Variants in DIS3L observed in about 807,000 individuals in gnomAD.
DIS3L encodes DIS3 like exosome 3'-5' exoribonuclease.
DIS3L carries 100 observed loss-of-function variants against 120.3 expected under a neutral mutation model. The observed-to-expected ratio is 0.83, with a 90% CI of 0.71 to 0.98. DIS3L has a LOEUF of 0.98. DIS3L is among the 50% of genes least tolerant of loss of function. The pLI, the probability that DIS3L is intolerant of heterozygous loss-of-function variation, is 0.00. For missense variants in DIS3L, 1,196 were observed against 1,314.2 expected, an observed-to-expected ratio of 0.91 and a Z score of 1.39; for synonymous variants, 426 against 470.6, an observed-to-expected ratio of 0.91 and a Z score of 1.23.
chr15:66,310,184 G>GT (rs2092746599), intron 4 of DIS3L, among the ~76,000 whole-genome samples: 2 of 152,122 alleles, frequency 1.3e-5, no homozygotes. Context: ...GGGTTCCCAG[G>GT]TGCATATATT....
chr15:66,301,811 A>AT (rs772036964), intron 2 of DIS3L, among the ~76,000 whole-genome samples: 1 of 151,984 alleles, frequency 6.6e-6, no homozygotes, highest in Non-Finnish European at 1.5e-5. Context: ...ACTCAGAGTG[A>AT]TTCGCTGTTT....
intron 8 of DIS3L, 45 bp from the exon 9 acceptor site, chr15:66,320,526 T>G: frequency 6.4e-7 from 1 of 1,571,150 alleles, no homozygotes; most frequent in Non-Finnish European, 8.6e-7. Flanking sequence ...TTGACCCACT[T>G]AACTCCTGGT....
intron 12 of DIS3L, 78 bp downstream of exon 12, chr15:66,326,442 T>G: frequency 6.9e-7 from 1 of 1,452,282 alleles, no homozygotes; most frequent in Non-Finnish European, 9.2e-7. Context: ...TCTTAAAATG[T>G]GACAGCCAGA....
chr15:66,328,246 T>C (rs768074469), intron 12 of DIS3L, among the ~76,000 whole-genome samples: 9 of 152,236 alleles, frequency 5.9e-5, no homozygotes, highest in Non-Finnish European at 8.8e-5. Flanking sequence ...CAAGCTCACA[T>C]AGTGACCACT....
At chr15:66,317,863 G>A (rs1045892917) in intron 7 of DIS3L, among the ~76,000 whole-genome samples, 13 of 147,806 alleles carry the variant, frequency 8.8e-5, no homozygotes, top group Admixed American at 4.0e-4. Context: ...AAAAAGAAAC[G>A]AACAAAAACA....
chr15:66,294,178 T>A (rs1427211012), intron 1 of DIS3L: 7 of 985,528 alleles, frequency 7.1e-6, no homozygotes, highest in Non-Finnish European at 8.4e-6. Context: ...GCCACAGGTT[T>A]CCTGACCTGC....
chr15:66,313,865 GTATATATATATATA>G (rs35511104), intron 5 of DIS3L, among the ~76,000 whole-genome samples, 160 bp from the exon 6 acceptor site: 1 of 131,834 alleles, frequency 7.6e-6, no homozygotes, highest in African/African-American at 3.1e-5. Context: ...ATATATGTGT[GTATATATATATATA>G]TGTGTGTGTA....
chr15:66,306,205 C>T (rs1428121226), intron 2 of DIS3L, among the ~76,000 whole-genome samples: 5 of 152,170 alleles, frequency 3.3e-5, no homozygotes, highest in Non-Finnish European at 7.3e-5. Flanking sequence ...GAACTCCTGG[C>T]CTCAAACCAT....
chr15:66,303,303 A>G (rs1029096747), intron 2 of DIS3L, among the ~76,000 whole-genome samples: 7 of 152,204 alleles, frequency 4.6e-5, no homozygotes, highest in African/African-American at 1.2e-4. Flanking sequence ...CAATTTGGGT[A>G]TATACCCAGA....
Position 66,326,239 on chromosome 15 carries a change from C to G in DIS3L, c.2076C>G (p.Val692=). ...GCATGATCCTGGCCAACCACTGGGT[C>G]GCCAAAAAGATCTGGGAGAGCTTCC... ...AECMILANHW[V]AKKIWESFPH... The change falls in exon 12 of 17, where the codon GTC becomes GTG. Residue 692 remains valine, a synonymous_variant. Transcript: ENST00000319212. The G allele has an allele frequency of 3.1e-6, 5 of 1,614,174 alleles. No individual in the cohort carries two copies. Among genetic ancestry groups the G allele is most frequent in the Non-Finnish European group, 4.2e-6 (5 of 1,180,046 alleles).
intron 1 of DIS3L, chr15:66,294,032 C>A: frequency 1.0e-6 from 1 of 987,846 alleles, no homozygotes; most frequent in Non-Finnish European, 1.2e-6. Context: ...CTCAGAGGGG[C>A]CTGAGGGCGC....
At chr15:66,328,010 C>T (rs2092956942) in intron 12 of DIS3L, among the ~76,000 whole-genome samples, 1 of 152,202 alleles carries the variant, frequency 6.6e-6, no homozygotes, top group Non-Finnish European at 1.5e-5. Flanking sequence ...CAAGATTGTG[C>T]CACTACACTC....
intron 7 of DIS3L, among the ~76,000 whole-genome samples, chr15:66,316,201 A>G (rs1047039294): frequency 9.9e-5 from 15 of 151,678 alleles, no homozygotes; most frequent in Non-Finnish European, 2.2e-4. Context: ...TCCCACACAG[A>G]CTCCTGATTT....
chr15:66,293,372 G>A (rs185282271), upstream of DIS3L: 8,656 of 805,608 alleles, frequency 0.011, 50 homozygotes, highest in Non-Finnish European at 0.012. Context: ...TCTGGGGTAG[G>A]TCGTTTCCAC....
Position 66,313,887 on chromosome 15 carries a change from G to A in DIS3L, c.736-152G>A, listed in dbSNP as rs112178554. ...TGTGTATATATATATATATGTGTGT[G>A]TATATATATATATATAGTTCCTAAA... On this transcript the variant is annotated intron_variant, in intron 5 of 16. Transcript: ENST00000319212. 3.6e-3 allele frequency: 1,532 copies of A among 428,346 alleles called. 3 individuals are homozygous for A. Among genetic ancestry groups the A allele is most frequent in the Middle Eastern group, 5.6e-3 (8 of 1,430 alleles). The allele number at this position is 428,346 out of a possible 1,614,324, so 26.5% of individuals were successfully genotyped here. A position where few individuals can be genotyped will look rare whatever the true frequency, so the allele number is the denominator to read the frequency against.
rs367684850 is a variant in DIS3L at position 66,320,594 on chromosome 15, C to T, written c.1188C>T (p.Ile396=). Residue 396 remains isoleucine (I), a synonymous_variant, in exon 9 of 17, where the codon ATC becomes ATT. Coordinates refer to ENST00000319212, the MANE Select transcript of DIS3L (RefSeq NM_001143688.3). Reference sequence around the variant, plus strand: ...AGGACTTCAGGGTGGTCGTGCGCATCGATTCCTGGGAGTCAACATCTGTGT... The same window carrying T: ...AGGACTTCAGGGTGGTCGTGCGCATTGATTCCTGGGAGTCAACATCTGTGT... ...TLQDFRVVVR[I]DSWESTSVYP... is the part of the protein sequence containing the mutation. The T allele has an allele frequency of 1.2e-6, 2 of 1,613,334 alleles. No individual in the cohort carries two copies. The highest frequency in any genetic ancestry group is 2.2e-5 in the East Asian group (1 of 44,868).
intron 7 of DIS3L, among the ~76,000 whole-genome samples, chr15:66,317,946 G>C (rs143099164): frequency 1.3e-5 from 2 of 151,680 alleles, no homozygotes; most frequent in Non-Finnish European, 2.9e-5. Flanking sequence ...ACCTTTTCTT[G>C]TTGTTGTTAT....
At chr15:66,325,729 C>A in intron 11 of DIS3L, 102 bp from the exon 12 acceptor site, 1 of 1,373,630 alleles carries the variant, frequency 7.3e-7, no homozygotes, top group Non-Finnish European at 9.9e-7. Context: ...CCATTGCACT[C>A]CAGCCTGGGT....
intron 8 of DIS3L, among the ~76,000 whole-genome samples, chr15:66,319,547 A>G (rs748333880): frequency 6.6e-6 from 1 of 152,186 alleles, no homozygotes; most frequent in Non-Finnish European, 1.5e-5. Flanking sequence ...CATAAACAAG[A>G]AGGTTAGAAA....
Sources: allele counts gnomAD v4.1 joint callset (sites outside exome capture counted in the v4.1 genomes callset), GRCh38; gene constraint gnomAD v4.1.1; transcripts MANE v1.5; gene names NCBI Gene and HGNC (gene_info 2026-07-23, HGNC 2026-07-21).